The following RNF13 variants were observed in gnomAD, a reference collection of about 807,000 sequenced individuals.
RNF13 encodes ring finger protein 13, also known as E3 ubiquitin-protein ligase RNF13.
RNF13 carries 19 observed loss-of-function variants against 37.7 expected under a neutral mutation model. The observed-to-expected ratio is 0.50, with a 90% confidence interval of 0.35 to 0.74. The LOEUF is 0.74. Among genes scored for constraint, RNF13 ranks in the 30% least tolerant of loss-of-function variants. The pLI is 0.01. For missense variants in RNF13, 375 were observed against 453.0 expected, an observed-to-expected ratio of 0.83 and a Z score of 1.56; for synonymous variants, 144 against 157.8, an observed-to-expected ratio of 0.91 and a Z score of 0.65.
At chr3:149,914,709 C>A (rs976767451) in intron 7 of RNF13, among the ~76,000 whole-genome samples, 1 of 151,676 alleles carries the variant, frequency 6.6e-6, no homozygotes, top group East Asian at 1.9e-4. Context: ...CCAAGGCGGG[C>A]GGATCACCTG....
chr3:149,939,379 G>A, intron 8 of RNF13: 2 of 490,346 alleles, frequency 4.1e-6, no homozygotes, highest in East Asian at 4.9e-5. Context: ...GGGGCAGATC[G>A]CTTTCCAGAT....
At chr3:149,951,172 A>G (rs1182378477) in intron 8 of RNF13, among the ~76,000 whole-genome samples, 2 of 152,100 alleles carry the variant, frequency 1.3e-5, no homozygotes, top group Admixed American at 6.5e-5. Flanking sequence ...AATTTATCAC[A>G]GTTCAGGCTT....
rs200675397 is a variant in RNF13 at position 149,961,670 on chromosome 3, T to G, written c.*566T>G. 5.5e-6 allele frequency: 1 copy of G among 183,008 alleles called. No homozygotes were observed. The allele number at this position is 183,008 out of a possible 1,614,324, so 11.3% of individuals were successfully genotyped here. A position where few individuals can be genotyped will look rare whatever the true frequency, so the allele number is the denominator to read the frequency against. The stretch of plus-strand genomic sequence containing the variant: ...TCCTGACAGGAGCGGTCTATACTAG[T>G]GCAGATTTCAACACTTTTTTTTAAC... On this transcript the variant is annotated 3_prime_UTR_variant, in exon 10 of 10. Coordinates refer to ENST00000392894, the MANE Select transcript of RNF13 (RefSeq NM_183381.3).
intron 1 of RNF13, among the ~76,000 whole-genome samples, chr3:149,819,703 G>A (rs552157519): frequency 6.6e-6 from 1 of 152,286 alleles, no homozygotes; most frequent in South Asian, 2.1e-4. Context: ...ATACAGAGAC[G>A]AGCCAGTTTA....
chr3:149,960,137 G>T lies in RNF13; in HGVS notation c.781+1G>T, dbSNP rs1240637352. 6.3e-7 allele frequency: 1 copy of T among 1,586,672 alleles called. No individual in the cohort carries two copies. The highest frequency in any genetic ancestry group is 8.7e-7 in the Non-Finnish European group (1 of 1,155,436). On this transcript the variant is annotated splice_donor_variant, in intron 9 of 9. Coordinates refer to ENST00000392894, the MANE Select transcript of RNF13 (RefSeq NM_183381.3). LOFTEE classifies it high-confidence loss of function. Reference sequence around the variant, plus strand: ...CTCAGAATCCTTCCCTGTTCCCATGGTATGAGTAATTACGTACTGCTTTGA... The same window carrying T: ...CTCAGAATCCTTCCCTGTTCCCATGTTATGAGTAATTACGTACTGCTTTGA...
intron 1 of RNF13, among the ~76,000 whole-genome samples, chr3:149,819,526 A>G (rs1719821644): frequency 6.6e-6 from 1 of 152,234 alleles, no homozygotes; most frequent in Admixed American, 6.5e-5. Context: ...TAGAAAATGT[A>G]TAGCTCCTAA....
chr3:149,855,627 T>C lies in RNF13; in HGVS notation c.195+3031T>C, dbSNP rs1387958189. The stretch of plus-strand genomic sequence containing the variant: ...GTGTGCATATATATGTGTGTGTATA[T>C]ATATATGTATTTTTTTTCCCCCAAA... On this transcript the variant is annotated intron_variant, in intron 3 of 9. Coordinates refer to ENST00000392894, the MANE Select transcript of RNF13 (RefSeq NM_183381.3). 2.0e-5 allele frequency among the ~76,000 whole-genome samples: 3 copies of C among 151,640 alleles called. No homozygotes were observed. The East Asian group carries it at 5.8e-4, about 29-fold the overall frequency.
chr3:149,885,144 G>T (rs1319741081), intron 4 of RNF13, among the ~76,000 whole-genome samples: 1 of 152,100 alleles, frequency 6.6e-6, no homozygotes, highest in African/African-American at 2.4e-5. Context: ...GGACACTTAG[G>T]TTGTTTCCAA....
rs564671739 is a variant in RNF13, at chr3:149,948,313, T to G, written c.701-11743T>G. Among the ~76,000 whole-genome samples the G allele has an allele frequency of 4.6e-5, 7 of 152,346 alleles. No individual in the cohort carries two copies. In the South Asian group the frequency reaches 1.5e-3, roughly 32 times the overall value. ...ACTTTATTGTTGGATCTCATATTTT[T>G]TAGCCATTCAATCAATGTCTTGGTA... On this transcript the variant is annotated intron_variant, in intron 8 of 9. Transcript: ENST00000392894.
intron 3 of RNF13, among the ~76,000 whole-genome samples, chr3:149,867,212 A>G (rs1286476113): frequency 2.0e-5 from 3 of 151,452 alleles, no homozygotes; most frequent in Admixed American, 1.3e-4. Flanking sequence ...TATAATTGTT[A>G]TATCGTCTTG....
chr3:149,944,254 T>A (rs1269217689), intron 8 of RNF13, among the ~76,000 whole-genome samples: 16 of 152,240 alleles, frequency 1.1e-4, no homozygotes, highest in African/African-American at 3.9e-4. Context: ...TCTTTGCTAT[T>A]GTGAATAGTG....
chr3:149,899,021 AGT>A (rs1481783415), intron 5 of RNF13, among the ~76,000 whole-genome samples: 1 of 152,220 alleles, frequency 6.6e-6, no homozygotes, highest in Non-Finnish European at 1.5e-5. Context: ...GTGTTTCCAA[AGT>A]GTGGCATAAA....
intron 8 of RNF13, among the ~76,000 whole-genome samples, chr3:149,942,209 C>T (rs1179188683): frequency 1.3e-5 from 2 of 151,972 alleles, no homozygotes; most frequent in African/African-American, 2.4e-5. Context: ...GAGAATTTTA[C>T]GATGCTTTTT....
chr3:149,913,573 A>T (rs1229226068), intron 7 of RNF13, among the ~76,000 whole-genome samples: 4 of 152,220 alleles, frequency 2.6e-5, no homozygotes, highest in Non-Finnish European at 4.4e-5. Flanking sequence ...CAAATCCAGG[A>T]TACCACATTG....
At chr3:149,832,277 A>T (rs1721135644) in intron 1 of RNF13, among the ~76,000 whole-genome samples, 1 of 152,180 alleles carries the variant, frequency 6.6e-6, no homozygotes, top group African/African-American at 2.4e-5. Flanking sequence ...TGGATTTCTT[A>T]TGGAGATGGC....
At chr3:149,917,793 G>A (rs538670216) in intron 7 of RNF13, among the ~76,000 whole-genome samples, 1 of 152,146 alleles carries the variant, frequency 6.6e-6, no homozygotes, top group Non-Finnish European at 1.5e-5. Flanking sequence ...TGTGTGAAAA[G>A]ATGTGAAGTG....
chr3:149,839,603 TACTC>T (rs10576791), intron 1 of RNF13, among the ~76,000 whole-genome samples: 103,378 of 151,062 alleles, frequency 0.68, 36,129 homozygotes, highest in East Asian at 0.9. Context: ...ACATGAGACT[TACTC>T]ACTCTCATGA....
chr3:149,938,350 G>T (rs1475075834), intron 8 of RNF13, among the ~76,000 whole-genome samples: 2 of 151,594 alleles, frequency 1.3e-5, no homozygotes, highest in East Asian at 3.9e-4. Context: ...GCTAATTTTT[G>T]TATTTTTTAG....
At chr3:149,952,833 A>G (rs1237560887) in intron 8 of RNF13, among the ~76,000 whole-genome samples, 1 of 152,192 alleles carries the variant, frequency 6.6e-6, no homozygotes, top group African/African-American at 2.4e-5. Context: ...TCCCGACCTC[A>G]GGTGATCCAC....
Sources: allele counts gnomAD v4.1 joint callset (sites outside exome capture counted in the v4.1 genomes callset), GRCh38; gene constraint gnomAD v4.1.1; transcripts MANE v1.5; gene names NCBI Gene and HGNC (gene_info 2026-07-23, HGNC 2026-07-21).